LAT2: variants seen among roughly 807,000 people sequenced by gnomAD.
LAT2 encodes linker for activation of T cells family member 2.
A neutral mutation model predicts 43.4 loss-of-function variants in LAT2; 23 were observed. That is an observed-to-expected ratio of 0.53 (90% CI 0.38 to 0.75). The LOEUF (loss-of-function observed/expected upper bound fraction) is 0.75, where lower values mean the gene tolerates loss of function less well. LAT2 is among the 30% of genes least tolerant of loss of function. The pLI is 0.00. For missense variants in LAT2, 284 were observed against 310.2 expected (o/e 0.92, Z 0.64); for synonymous variants, 128 against 123.2 (o/e 1.04, Z -0.26).
intron 1 of LAT2, among the ~76,000 whole-genome samples, chr7:74,213,269 C>G (rs1460571484): frequency 6.6e-6 from 1 of 151,562 alleles, no homozygotes. Flanking sequence ...AGGCGCCCAC[C>G]ACCACACCTG....
chr7:74,216,876 C>T lies in LAT2; in HGVS notation c.134+12C>T, dbSNP rs567263924. On this transcript the variant is annotated intron_variant, in intron 4 of 13. Transcript: ENST00000460943. ...CAGCAGAGAAGTCTGTGAGTTGCCT[C>T]GATGTCCCTAGCCTGGTGTATTCAT... The T allele has an allele frequency of 5.0e-6, 8 of 1,612,352 alleles. No individual in the cohort carries two copies. The highest frequency in any genetic ancestry group is 2.2e-5 in the East Asian group (1 of 44,854).
At chr7:74,223,269 T>C (rs1256821600) in intron 10 of LAT2, among the ~76,000 whole-genome samples, 2 of 152,174 alleles carry the variant, frequency 1.3e-5, no homozygotes, top group Admixed American at 6.5e-5. Context: ...TTTGGGAAGA[T>C]TGCCTAAGCT....
rs1160138143 is a variant in LAT2 at position 74,220,816 on chromosome 7, C to G, written c.332+82C>G. 2.5e-5 allele frequency: 31 copies of G among 1,255,146 alleles called. No individual in the cohort carries two copies. The highest frequency in any genetic ancestry group is 1.0e-4 in the Admixed American group (4 of 39,402). 77.8% of individuals were successfully genotyped at this position (1,255,146 alleles called of 1,614,324 possible). On this transcript the variant is annotated intron_variant, in intron 9 of 13. Coordinates refer to ENST00000460943, the MANE Select transcript of LAT2 (RefSeq NM_032464.3). This position sits in a 1 kb window ranked among gnomAD's most constrained non-coding sequence, Gnocchi z 4.5. ...CCCCTGCCCCACCTCTCCCCCTGCC[C>G]CACCTGCCTGCCACAGCCCTGGGCT...
chr7:74,228,084 G>A (rs1432324014), intron 13 of LAT2, among the ~76,000 whole-genome samples: 3 of 144,110 alleles, frequency 2.1e-5, no homozygotes, highest in Non-Finnish European at 4.5e-5. Flanking sequence ...GCTGAGGCAC[G>A]AGAATCACTT....
intron 13 of LAT2, among the ~76,000 whole-genome samples, chr7:74,227,300 C>T (rs916822224): frequency 6.6e-6 from 1 of 152,040 alleles, no homozygotes. Flanking sequence ...CGGCTCACTG[C>T]AACCTCTGCC....
At chr7:74,218,275 C>T (rs1173084725) in intron 4 of LAT2, among the ~76,000 whole-genome samples, 3 of 152,182 alleles carry the variant, frequency 2.0e-5, no homozygotes, top group African/African-American at 7.2e-5. Flanking sequence ...TCCCAGGAAG[C>T]CACGTCTGAC....
chr7:74,218,583 C>T (rs929252090), intron 4 of LAT2, among the ~76,000 whole-genome samples: 4 of 152,140 alleles, frequency 2.6e-5, no homozygotes, highest in African/African-American at 4.8e-5. Context: ...CCAGTGCCCC[C>T]GTTTAAAAAG....
intron 13 of LAT2, among the ~76,000 whole-genome samples, chr7:74,228,466 ACT>A (rs1371840105): frequency 4.9e-5 from 7 of 143,092 alleles, no homozygotes; most frequent in Admixed American, 2.9e-4. Flanking sequence ...ACAGAGCAAG[ACT>A]CTGTCTCAAA....
intron 1 of LAT2, among the ~76,000 whole-genome samples, chr7:74,214,415 T>A (rs1327044939): frequency 8.8e-5 from 5 of 56,628 alleles, no homozygotes; most frequent in African/African-American, 3.7e-4. Flanking sequence ...AATATATATA[T>A]AAATATATAT....
intron 5 of LAT2, 32 bp from the exon 6 acceptor site, chr7:74,219,928 C>T (rs1802200463): frequency 6.2e-7 from 1 of 1,612,876 alleles, no homozygotes. Flanking sequence ...AGCTGGGGGC[C>T]CAGCCAACAC....
intron 4 of LAT2, among the ~76,000 whole-genome samples, chr7:74,218,916 T>TTGAAC (rs1449886347): frequency 6.6e-6 from 1 of 151,562 alleles, no homozygotes; most frequent in Non-Finnish European, 1.5e-5. Flanking sequence ...CAGGCTGGTC[T>TTGAAC]TGAACTCCCA....
Position 74,216,058 on chromosome 7 carries a change from G to C in LAT2, c.83G>C (p.Cys28Ser). Residue 28 changes from cysteine (C) to serine (S), a missense_variant, in exon 3 of 14, where the codon TGC (cysteine) becomes TCC (serine). Coordinates refer to ENST00000460943, the MANE Select transcript of LAT2 (RefSeq NM_032464.3). ...GTGGCAGCCAGTCTGTGTGTGCGCT[G>C]CTCACGCCCAGGTAAGCGGGGGTCT... Reference protein sequence around the residue: ...LGVAASLCVRCSRPGAKRSEK... With the variant: ...LGVAASLCVRSSRPGAKRSEK... 6.2e-7 allele frequency: 1 copy of C among 1,611,366 alleles called. No homozygotes were observed. The highest frequency in any genetic ancestry group is 8.5e-7 in the Non-Finnish European group (1 of 1,179,012).
chr7:74,228,768 GAC>G (rs1491463477), intron 13 of LAT2, among the ~76,000 whole-genome samples, 174 bp from the exon 14 acceptor site: 1 of 151,508 alleles, frequency 6.6e-6, no homozygotes, highest in Non-Finnish European at 1.5e-5. Context: ...CAGCCTGGGT[GAC>G]AGAGTGAGAC....
intron 2 of LAT2, among the ~76,000 whole-genome samples, chr7:74,215,598 TCA>T (rs1184677257): frequency 6.6e-6 from 1 of 152,188 alleles, no homozygotes; most frequent in Non-Finnish European, 1.5e-5. Flanking sequence ...CTCTCTGGCC[TCA>T]GTTTCTCGAT....
intron 13 of LAT2, 109 bp downstream of exon 13, chr7:74,224,869 G>A: frequency 1.2e-6 from 1 of 815,124 alleles, no homozygotes; most frequent in East Asian, 2.8e-5. Context: ...AGGGGCCATG[G>A]TGGGGGCTAC....
chr7:74,220,271 A>G lies in LAT2; in HGVS notation c.265+17A>G, dbSNP rs782369328. The G allele has an allele frequency of 1.4e-5, 22 of 1,608,338 alleles. No homozygotes were observed. The African/African-American group carries it at 2.5e-4, about 19-fold the overall frequency. On this transcript the variant is annotated intron_variant, in intron 7 of 13. Transcript: ENST00000460943. The surrounding 1 kb of genome is among the most constrained non-coding windows in gnomAD (Gnocchi z 4.5). ...GCCTGGAGGGTGAGTGGCACAGGGC[A>G]GGGACAGGGACAGGCCTAGCCAAGC...
At chr7:74,227,103 G>A (rs562438309) in intron 13 of LAT2, among the ~76,000 whole-genome samples, 2 of 150,410 alleles carry the variant, frequency 1.3e-5, no homozygotes, top group Non-Finnish European at 3.0e-5. Context: ...GTGCAATGGT[G>A]CAATCTTGGC....
intron 10 of LAT2, among the ~76,000 whole-genome samples, chr7:74,222,866 C>T (rs782381006): frequency 2.6e-5 from 4 of 152,192 alleles, no homozygotes; most frequent in East Asian, 1.9e-4. Flanking sequence ...TGAGCCACCC[C>T]GCCAGGCTGG....
chr7:74,226,921 C>G (rs1251584289), intron 13 of LAT2, among the ~76,000 whole-genome samples: 2 of 151,868 alleles, frequency 1.3e-5, no homozygotes, highest in Non-Finnish European at 2.9e-5. Context: ...AAGCCAGGGG[C>G]CAGGGAGGAG....
Sources: gnomAD v4.1 joint callset for allele counts (sites outside exome capture counted in the v4.1 genomes callset) on GRCh38, gnomAD v4.1.1 for gene constraint, Gnocchi (gnomAD v3.1) non-coding constraint, MANE v1.5 for transcripts, NCBI Gene and HGNC (gene_info 2026-07-23, HGNC 2026-07-21) for gene names.